Variants in CDH2 observed in about 807,000 individuals in gnomAD.
CDH2 encodes cadherin 2.
A neutral mutation model predicts 92.0 loss-of-function variants in CDH2; 17 were observed. That is an observed-to-expected ratio of 0.18 (90% CI 0.13 to 0.28). The LOEUF (loss-of-function observed/expected upper bound fraction) is 0.28, where lower values mean the gene tolerates loss of function less well. CDH2 is among the 10% of genes least tolerant of loss of function. CDH2 has a pLI of 1.00. For missense variants in CDH2, 862 were observed against 1,133.1 expected, an observed-to-expected ratio of 0.76 and a Z score of 3.44; for synonymous variants, 419 against 415.9, an observed-to-expected ratio of 1.01 and a Z score of -0.09.
At chr18:27,947,786 ATATAAG>A (rs1281156963), downstream of CDH2, among the ~76,000 whole-genome samples, 4 of 145,892 alleles carry the variant, frequency 2.7e-5, no homozygotes, top group African/African-American at 1.0e-4. Flanking sequence ...AGTATATGTG[ATATAAG>A]TATATGTGAT....
downstream of CDH2, among the ~76,000 whole-genome samples, chr18:27,949,000 A>G (rs889164892): frequency 1.3e-5 from 2 of 151,950 alleles, no homozygotes; most frequent in African/African-American, 4.8e-5. Context: ...TGGCCTAGAA[A>G]AACATGTTTC....
chr18:27,978,451 G>A (rs2011923628), intron 14 of CDH2, among the ~76,000 whole-genome samples: 2 of 152,040 alleles, frequency 1.3e-5, no homozygotes, highest in South Asian at 4.1e-4. Flanking sequence ...GCAATGCAGT[G>A]GTAAACATCA....
chr18:28,048,494 A>T (rs2014124841), intron 2 of CDH2, among the ~76,000 whole-genome samples: 1 of 152,224 alleles, frequency 6.6e-6, no homozygotes, highest in South Asian at 2.1e-4. Context: ...GTTGTTATAA[A>T]GAATAACTGT....
intron 1 of CDH2, among the ~76,000 whole-genome samples, chr18:28,153,161 G>GA (rs1188180252): frequency 2.0e-5 from 3 of 152,172 alleles, no homozygotes; most frequent in African/African-American, 4.8e-5. Context: ...TTTGCCAGGA[G>GA]AAAGAGGGGG....
chr18:28,147,793 C>CAAA lies in CDH2; in HGVS notation c.61-10_61-9insTTT. 7.1e-7 allele frequency: 1 copy of CAAA among 1,412,854 alleles called. No individual in the cohort carries two copies. The highest frequency in any genetic ancestry group is 2.2e-5 in the Admixed American group (1 of 45,876). 87.5% of individuals were successfully genotyped at this position (1,412,854 alleles called of 1,614,324 possible). On this transcript the variant is annotated splice_polypyrimidine_tract_variant and intron_variant, in intron 1 of 15. Transcript: ENST00000269141. Reference sequence around the variant, plus strand: ...GAAGCCTCTACAGACGCCTGCAACACAAGAAAAAAAAAAAAAATGTGTGCA... The same window carrying CAAA: ...GAAGCCTCTACAGACGCCTGCAACACAAAAAGAAAAAAAAAAAAAATGTGTGCA...
intron 10 of CDH2, among the ~76,000 whole-genome samples, chr18:27,989,604 A>G (rs1247448070): frequency 1.3e-5 from 2 of 152,148 alleles, no homozygotes; most frequent in African/African-American, 4.8e-5. Flanking sequence ...GATAAATTAC[A>G]TTTTGCTGAG....
At chr18:27,960,120 G>A (rs1190740774) in intron 15 of CDH2, among the ~76,000 whole-genome samples, 3 of 151,698 alleles carry the variant, frequency 2.0e-5, no homozygotes, top group Non-Finnish European at 4.4e-5. Context: ...CCATTCACTT[G>A]GTTCACCAAA....
At chr18:27,954,155 T>C (rs1395350618) in intron 15 of CDH2, among the ~76,000 whole-genome samples, 1 of 152,234 alleles carries the variant, frequency 6.6e-6, no homozygotes, top group African/African-American at 2.4e-5. Context: ...AATACTTTGA[T>C]ATATACAACA....
chr18:27,936,888 A>C (rs1909032754), intron 6 of CDH2, among the ~76,000 whole-genome samples: 1 of 152,184 alleles, frequency 6.6e-6, no homozygotes, highest in Admixed American at 6.5e-5. Context: ...GCTCAAAAAA[A>C]CTTGAGGTAG....
intron 15 of CDH2, among the ~76,000 whole-genome samples, chr18:27,958,327 G>A (rs1257088108): frequency 6.6e-6 from 1 of 151,598 alleles, no homozygotes; most frequent in African/African-American, 2.4e-5. Flanking sequence ...GTTGTAAGAA[G>A]CTTCCATAAG....
intron 2 of CDH2, among the ~76,000 whole-genome samples, chr18:28,119,118 A>G (rs1314744389): frequency 6.6e-6 from 1 of 152,138 alleles, no homozygotes; most frequent in Non-Finnish European, 1.5e-5. Flanking sequence ...AAAGTGGGTT[A>G]TGTTCAGGGA....
intron 5 of CDH2, among the ~76,000 whole-genome samples, chr18:28,008,757 GAAAA>G (rs983725304): frequency 2.0e-5 from 3 of 150,660 alleles, no homozygotes; most frequent in African/African-American, 7.3e-5. Context: ...AAAAAAAAAA[GAAAA>G]AACTTCAGTA....
chr18:28,008,398 C>G (rs1465978841), intron 5 of CDH2, among the ~76,000 whole-genome samples: 1 of 152,108 alleles, frequency 6.6e-6, no homozygotes, highest in African/African-American at 2.4e-5. Context: ...AAATCAAGGT[C>G]TTTGGGAAGA....
At chr18:28,145,620 G>T (rs1344198222) in intron 2 of CDH2, among the ~76,000 whole-genome samples, 2 of 152,058 alleles carry the variant, frequency 1.3e-5, no homozygotes, top group African/African-American at 4.8e-5. Context: ...TTCTCCAGAA[G>T]AAACATTAAC....
At chr18:28,169,231 G>T (rs911500676) in intron 1 of CDH2, among the ~76,000 whole-genome samples, 3 of 152,092 alleles carry the variant, frequency 2.0e-5, no homozygotes, top group African/African-American at 7.2e-5. Context: ...TGTGAATGAC[G>T]TACTGACAAT....
intron 2 of CDH2, among the ~76,000 whole-genome samples, chr18:28,132,288 C>T (rs1431958181): frequency 6.6e-6 from 1 of 152,202 alleles, no homozygotes; most frequent in Non-Finnish European, 1.5e-5. Flanking sequence ...TGCTTATCAG[C>T]TAACGTGACT....
chr18:27,969,156 GC>G (rs1303917477), intron 14 of CDH2, among the ~76,000 whole-genome samples: 1 of 152,056 alleles, frequency 6.6e-6, no homozygotes, highest in African/African-American at 2.4e-5. Context: ...GATTATCACA[GC>G]CCCCCCACCA....
At chr18:28,139,403 A>G (rs992792426) in intron 2 of CDH2, among the ~76,000 whole-genome samples, 2 of 151,796 alleles carry the variant, frequency 1.3e-5, no homozygotes, top group South Asian at 4.2e-4. Flanking sequence ...ACTACCACCC[A>G]ATTTCTTCTT....
At chr18:28,166,855 AT>A (rs2016392961) in intron 1 of CDH2, among the ~76,000 whole-genome samples, 2 of 151,606 alleles carry the variant, frequency 1.3e-5, no homozygotes, top group Admixed American at 6.6e-5. Flanking sequence ...CTAAACCATT[AT>A]AAACAGAAAA....
Sources: gnomAD v4.1 joint callset for allele counts (sites outside exome capture counted in the v4.1 genomes callset) on GRCh38, gnomAD v4.1.1 for gene constraint, MANE v1.5 for transcripts, NCBI Gene and HGNC (gene_info 2026-07-23, HGNC 2026-07-21) for gene names.